ABL1: variants seen among roughly 807,000 people sequenced by gnomAD.
ABL1 encodes the protein tyrosine-protein kinase ABL1.
Under a neutral mutation model 94.7 loss-of-function variants are expected in ABL1, and 11 were observed. That is an observed-to-expected ratio of 0.12 (90% confidence interval 0.07 to 0.19). ABL1 has a LOEUF of 0.19. ABL1 is among the 10% of genes least tolerant of loss of function. ABL1 has a pLI of 1.00. For missense variants in ABL1, 1,082 were observed against 1,489.4 expected (o/e 0.73, Z 4.50); for synonymous variants, 656 against 622.4 (o/e 1.05, Z -0.80).
rs377512162 is a variant in ABL1 at position 130,814,296 on chromosome 9, G to A, written c.137-39768G>A. On this transcript the variant is annotated intron_variant, in intron 1 of 10. Coordinates refer to the ABL1 transcript ENST00000372348. The surrounding 1 kb of genome is among the most constrained non-coding windows in gnomAD (Gnocchi z 4.4). The stretch of plus-strand genomic sequence containing the variant: ...ACGAGACTCCGTCTCAAAAAAAAAA[G>A]AAAGAAAGAAAGAAAAAGAAAAGGC... 4.8e-3 allele frequency among the ~76,000 whole-genome samples: 709 copies of A among 146,884 alleles called. 3 individuals are homozygous for A. Among genetic ancestry groups the A allele is most frequent in the African/African-American group, 0.018 (682 of 38,838 alleles).
chr9:130,808,974 T>G (rs1470857709), intron 1 of ABL1, among the ~76,000 whole-genome samples: 3 of 152,214 alleles, frequency 2.0e-5, no homozygotes, highest in African/African-American at 7.2e-5. Flanking sequence ...ATTGCTCTGA[T>G]TTAATGCTCG....
intron 1 of ABL1, among the ~76,000 whole-genome samples, chr9:130,797,629 C>T (rs1051858825): frequency 1.3e-5 from 2 of 152,180 alleles, no homozygotes; most frequent in Non-Finnish European, 2.9e-5. Context: ...CCCTCCTCAG[C>T]CTCCCAAAGT....
In ABL1 at chr9:130,862,635, C is replaced by G. The variant is rs1831092673; in HGVS notation, c.550-128C>G. 4.0e-6 allele frequency: 4 copies of G among 1,006,426 alleles called. No homozygotes were observed. The South Asian group carries it at 6.5e-5, about 16-fold the overall frequency. 62.3% of individuals were successfully genotyped at this position (1,006,426 alleles called of 1,614,324 possible). On this transcript the variant is annotated intron_variant, in intron 3 of 10. Coordinates refer to ENST00000318560, the MANE Select transcript of ABL1 (RefSeq NM_005157.6). The surrounding 1 kb of genome is among the most constrained non-coding windows in gnomAD (Gnocchi z 5.5). ...AGAAGTGATCTTCTAAACACTCTGT[C>G]CTGTGTGGAGAGCTCCTTATGTGAG...
At chr9:130,846,931 A>G (rs935538866) in intron 1 of ABL1, among the ~76,000 whole-genome samples, 2 of 152,250 alleles carry the variant, frequency 1.3e-5, no homozygotes, top group African/African-American at 4.8e-5. Context: ...TTTTCTTAGA[A>G]TACTGTCTAA....
chr9:130,859,545 T>C (rs1831030667), intron 3 of ABL1, among the ~76,000 whole-genome samples: 1 of 151,934 alleles, frequency 6.6e-6, no homozygotes, highest in Admixed American at 6.6e-5. Flanking sequence ...GCTTCCTGGC[T>C]GAGCAACCTG....
At position 130,884,901 on chromosome 9, in the gene ABL1, G is replaced by C; in HGVS notation, c.2611G>C (p.Glu871Gln). 6.2e-7 allele frequency: 1 copy of C among 1,610,144 alleles called. No individual in the cohort carries two copies. The highest frequency in any genetic ancestry group is 8.5e-7 in the Non-Finnish European group (1 of 1,178,928). The change falls in exon 11 of 11, where the codon GAG becomes CAG. Residue 871 changes from glutamate (E) to glutamine (Q), a missense_variant. This residue lies in a region of ABL1 where 780 missense variants were observed against 835.8 expected (regional missense o/e 0.93). Coordinates refer to ENST00000318560, the MANE Select transcript of ABL1 (RefSeq NM_005157.6). This position sits in a 1 kb window ranked among gnomAD's most constrained non-coding sequence, Gnocchi z 5.6. ...APGGTSKGPA[E>Q]ESRVRRHKHS... Reference sequence around the variant, plus strand: ...AGGGGGCACCAGCAAGGGCCCCGCCGAGGAGTCCAGAGTGAGGAGGCACAA... The same window carrying C: ...AGGGGGCACCAGCAAGGGCCCCGCCCAGGAGTCCAGAGTGAGGAGGCACAA...
chr9:130,723,902 C>T (rs2132679308), intron 1 of ABL1, among the ~76,000 whole-genome samples: 1 of 151,974 alleles, frequency 6.6e-6, no homozygotes, highest in African/African-American at 2.4e-5. Context: ...AGTTCCGCCT[C>T]CTGGGTTCAT....
chr9:130,826,954 T>C (rs1000146628), intron 1 of ABL1, among the ~76,000 whole-genome samples: 7 of 152,124 alleles, frequency 4.6e-5, no homozygotes, highest in African/African-American at 1.4e-4. Flanking sequence ...GGCGGGCGCC[T>C]GTAGTCCCAG....
At chr9:130,735,961 A>ATATATTTTTTTTTTTTT (rs573602038) in intron 1 of ABL1, among the ~76,000 whole-genome samples, 1 of 94,886 alleles carries the variant, frequency 1.1e-5, no homozygotes, top group African/African-American at 6.4e-5. Context: ...ATATATATAT[A>ATATATTTTTTTTTTTTT]TTTTTTTTTT....
intron 1 of ABL1, among the ~76,000 whole-genome samples, chr9:130,819,340 C>T (rs538108268): frequency 7.9e-5 from 12 of 151,550 alleles, no homozygotes; most frequent in African/African-American, 2.2e-4. Flanking sequence ...GGCAACAGAG[C>T]GAGACTCCAT....
At chr9:130,801,344 C>T (rs1830052371) in intron 1 of ABL1, among the ~76,000 whole-genome samples, 1 of 152,224 alleles carries the variant, frequency 6.6e-6, no homozygotes, top group Admixed American at 6.5e-5. Context: ...TCTCCTGCCT[C>T]AGCCTCCCGA....
At chr9:130,807,729 ACT>A (rs1024021914) in intron 1 of ABL1, among the ~76,000 whole-genome samples, 10 of 116,218 alleles carry the variant, frequency 8.6e-5, no homozygotes, top group Non-Finnish European at 1.3e-4. Context: ...ATGGAGTCTC[ACT>A]CTGTCACCCA....
chr9:130,841,500 G>C (rs1830670777), intron 1 of ABL1, among the ~76,000 whole-genome samples: 1 of 151,828 alleles, frequency 6.6e-6, no homozygotes, highest in African/African-American at 2.4e-5. Context: ...GCCATGGGTT[G>C]AACAAGCTTG....
In ABL1 at chr9:130,885,803, C is replaced by A; in HGVS notation, c.*120C>A. On this transcript the variant is annotated 3_prime_UTR_variant, in exon 11 of 11. Coordinates refer to ENST00000318560, the MANE Select transcript of ABL1 (RefSeq NM_005157.6). ...GAGTCAGCACCTTGGCCCAGGAGCT[C>A]TGCGCCAGGCAGAGCTGAGGGCCCT... 1 of 1,344,582 alleles carries A rather than the reference C, an allele frequency of 7.4e-7. No homozygotes were observed. 83.3% of individuals were successfully genotyped at this position (1,344,582 alleles called of 1,614,324 possible).
At chr9:130,803,855 C>G (rs1830088541) in intron 1 of ABL1, among the ~76,000 whole-genome samples, 2 of 152,218 alleles carry the variant, frequency 1.3e-5, no homozygotes, top group African/African-American at 4.8e-5. Context: ...GACTAAACAC[C>G]TGGAAATTAA....
chr9:130,759,870 G>C (rs1200272027), intron 1 of ABL1, among the ~76,000 whole-genome samples: 7 of 151,864 alleles, frequency 4.6e-5, no homozygotes. Context: ...ACAGCTCACT[G>C]CAGCTCTAAC....
At chr9:130,744,718 G>A (rs1412627138) in intron 1 of ABL1, among the ~76,000 whole-genome samples, 4 of 150,998 alleles carry the variant, frequency 2.6e-5, no homozygotes, top group African/African-American at 9.7e-5. Context: ...TTAGCCGAGC[G>A]TAGTGGTGGG....
chr9:130,752,258 G>A (rs1317162594), intron 1 of ABL1, among the ~76,000 whole-genome samples: 3 of 152,176 alleles, frequency 2.0e-5, no homozygotes, highest in East Asian at 1.9e-4. Flanking sequence ...CATAGCTGTT[G>A]TGAGATCTTG....
chr9:130,714,546 T>C (rs1831411831), intron 1 of ABL1: 1 of 1,484,486 alleles, frequency 6.7e-7, no homozygotes, highest in Non-Finnish European at 9.4e-7. Context: ...CTTGCGACAG[T>C]TCCTTCCAAT....
Sources: allele counts gnomAD v4.1 joint callset (sites outside exome capture counted in the v4.1 genomes callset), GRCh38; gene constraint gnomAD v4.1.1; regional missense constraint gnomAD v4.1.1; non-coding constraint Gnocchi (gnomAD v3.1); transcripts MANE v1.5; gene names NCBI Gene and HGNC (gene_info 2026-07-23, HGNC 2026-07-21).